Variants in RPS6KA2 observed in about 807,000 individuals in gnomAD.
RPS6KA2 encodes the protein ribosomal protein S6 kinase A2.
RPS6KA2 carries 42 observed loss-of-function variants against 91.8 expected under a neutral mutation model. The observed-to-expected ratio is 0.46, with a 90% CI of 0.36 to 0.59. The LOEUF (loss-of-function observed/expected upper bound fraction) is 0.59. RPS6KA2 is among the 20% of genes least tolerant of loss of function. The pLI, the probability that RPS6KA2 is intolerant of heterozygous loss-of-function variation, is 0.00. For synonymous variants in RPS6KA2, 414 were observed against 393.6 expected (o/e 1.05, Z -0.61); for missense variants, 798 against 978.5 (o/e 0.82, Z 2.46).
At chr6:166,652,136 A>C (rs1360346537) in intron 2 of RPS6KA2, among the ~76,000 whole-genome samples, 2 of 152,228 alleles carry the variant, frequency 1.3e-5, no homozygotes, top group Non-Finnish European at 2.9e-5. Context: ...CAGAGGATAG[A>C]GCTTCGGATT....
chr6:166,677,367 T>TC (rs1010397421), intron 2 of RPS6KA2, among the ~76,000 whole-genome samples: 1 of 151,990 alleles, frequency 6.6e-6, no homozygotes, highest in African/African-American at 2.4e-5. Context: ...TATCAGTTTT[T>TC]TTTTTTTTTT....
chr6:166,625,759 G>C (rs1436320053), intron 1 of RPS6KA2, among the ~76,000 whole-genome samples: 1 of 152,036 alleles, frequency 6.6e-6, no homozygotes, highest in African/African-American at 2.4e-5. Flanking sequence ...CTCCAGTACT[G>C]GATTAACAGT....
At chr6:166,858,372 G>A (rs1780964755) in intron 1 of RPS6KA2, 1 of 666,308 alleles carries the variant, frequency 1.5e-6, no homozygotes, top group Admixed American at 2.5e-5. Flanking sequence ...CATGATTTCT[G>A]TAGGACATGG....
In RPS6KA2 at chr6:166,495,755, C is replaced by T. The variant is rs946355122; in HGVS notation, c.747+2753G>A. The stretch of plus-strand genomic sequence containing the variant: ...GACAACGACAATAAAAGATGGCAGA[C>T]GTTAGAGCAGTGGCAAGCCAGGAGT... On this transcript the variant is annotated intron_variant, in intron 8 of 20. Transcript: ENST00000265678. This position sits in a 1 kb window ranked among gnomAD's most constrained non-coding sequence, Gnocchi z 4.4. 1.5e-4 allele frequency among the ~76,000 whole-genome samples: 23 copies of T among 152,174 alleles called. No individual in the cohort carries two copies. The highest frequency in any genetic ancestry group is 2.1e-4 in the South Asian group (1 of 4,828).
intron 1 of RPS6KA2, among the ~76,000 whole-genome samples, chr6:166,610,474 A>G (rs1444315747): frequency 4.6e-5 from 7 of 152,268 alleles, no homozygotes; most frequent in Non-Finnish European, 1.5e-5. Flanking sequence ...GATAAAACCT[A>G]TGCAACTGGG....
chr6:166,602,596 C>A (rs758830002), intron 1 of RPS6KA2, among the ~76,000 whole-genome samples: 3 of 152,176 alleles, frequency 2.0e-5, no homozygotes, highest in African/African-American at 7.2e-5. Context: ...TGGAACAAGA[C>A]GCATTCATGC....
chr6:166,794,712 G>A (rs1463477128), intron 2 of RPS6KA2, among the ~76,000 whole-genome samples: 5 of 151,460 alleles, frequency 3.3e-5, no homozygotes, highest in Admixed American at 1.3e-4. Context: ...GTAGGGACAT[G>A]GATGAAGCTG....
rs553421629 is a variant in RPS6KA2 at position 166,767,925 on chromosome 6, G to T, written c.123+90275C>A. Among the ~76,000 whole-genome samples the T allele has an allele frequency of 6.6e-6, 1 of 152,110 alleles. No individual in the cohort carries two copies. Among genetic ancestry groups the T allele is most frequent in the Non-Finnish European group, 1.5e-5 (1 of 68,024 alleles). On this transcript the variant is annotated intron_variant, in intron 2 of 21. Coordinates refer to the RPS6KA2 transcript ENST00000503859. The surrounding 1 kb of genome is among the most constrained non-coding windows in gnomAD (Gnocchi z 4.6). ...AACCTTGGGGGTTTTATTTTTCCAC[G>T]ACTGTGGAGTCTGCCTCTGTGTCCC...
At chr6:166,513,109 T>A (rs1397484475) in intron 3 of RPS6KA2, among the ~76,000 whole-genome samples, 2 of 152,204 alleles carry the variant, frequency 1.3e-5, no homozygotes, top group Non-Finnish European at 2.9e-5. Context: ...AATCTCATAA[T>A]CGTTTAAGAA....
At chr6:166,543,464 C>T (rs189857395) in intron 1 of RPS6KA2, among the ~76,000 whole-genome samples, 30 of 152,304 alleles carry the variant, frequency 2.0e-4, no homozygotes, top group Admixed American at 4.6e-4. Flanking sequence ...CCATCCAAAT[C>T]TTACCCATTG....
At chr6:166,496,955 A>C (rs1325049942) in intron 8 of RPS6KA2, among the ~76,000 whole-genome samples, 1 of 152,230 alleles carries the variant, frequency 6.6e-6, no homozygotes. Context: ...CCACAGGGCT[A>C]TCCCCGCTGC....
chr6:166,583,795 G>A (rs930665542), intron 1 of RPS6KA2, among the ~76,000 whole-genome samples: 2 of 152,198 alleles, frequency 1.3e-5, no homozygotes, highest in Non-Finnish European at 2.9e-5. Flanking sequence ...CTATGCCACA[G>A]GAAGAAATGT....
At chr6:166,831,623 G>T (rs977738837) in intron 2 of RPS6KA2, among the ~76,000 whole-genome samples, 2 of 151,532 alleles carry the variant, frequency 1.3e-5, no homozygotes, top group African/African-American at 4.9e-5. Flanking sequence ...TGCCGCATTT[G>T]CCCTCACCTT....
chr6:166,496,403 A>G (rs1400777994), intron 8 of RPS6KA2, among the ~76,000 whole-genome samples: 1 of 151,690 alleles, frequency 6.6e-6, no homozygotes, highest in Non-Finnish European at 1.5e-5. Flanking sequence ...AAAATTAAAT[A>G]TATATTTTAT....
At chr6:166,430,425 C>T (rs201451626) in intron 16 of RPS6KA2, 28 bp downstream of exon 16, 36 of 1,591,834 alleles carry the variant, frequency 2.3e-5, no homozygotes, top group South Asian at 2.0e-4. Context: ...CCCTCCTCCC[C>T]GAAGGCTGCC....
At chr6:166,475,650 C>T in intron 10 of RPS6KA2, 1 of 371,272 alleles carries the variant, frequency 2.7e-6, no homozygotes, top group South Asian at 2.3e-5. Context: ...AAGCCAGCAC[C>T]TGCTACGGGC....
At chr6:166,552,086 T>G (rs1428771094) in intron 1 of RPS6KA2, among the ~76,000 whole-genome samples, 1 of 152,176 alleles carries the variant, frequency 6.6e-6, no homozygotes, top group African/African-American at 2.4e-5. Flanking sequence ...CGCCTAGAGA[T>G]CCTTGTTACC....
rs552913236 is a variant in RPS6KA2 at position 166,445,977 on chromosome 6, G to GT, written c.1332+2746dup. Among the ~76,000 whole-genome samples the GT allele has an allele frequency of 1.7e-3, 253 of 152,194 alleles. No homozygotes were observed. In the Middle Eastern group the frequency reaches 0.02, roughly 12 times the overall value. ...TTGCTGTTTCTTAGTCCATCAATAG[G>GT]TGGGGATGCTGCTTCTCATGAACAA... is the stretch of plus-strand genomic sequence containing the variant. On this transcript the variant is annotated intron_variant, in intron 14 of 20. Transcript: ENST00000265678. This position sits in a 1 kb window ranked among gnomAD's most constrained non-coding sequence, Gnocchi z 4.5.
intron 2 of RPS6KA2, among the ~76,000 whole-genome samples, chr6:166,791,074 C>G (rs372369648): frequency 1.7e-4 from 26 of 152,034 alleles, no homozygotes; most frequent in African/African-American, 3.9e-4. Context: ...CTGGCAAATT[C>G]GATAAAGAGT....
Sources: gnomAD v4.1 joint callset for allele counts (sites outside exome capture counted in the v4.1 genomes callset) on GRCh38, gnomAD v4.1.1 for gene constraint, Gnocchi (gnomAD v3.1) non-coding constraint, MANE v1.5 for transcripts, NCBI Gene and HGNC (gene_info 2026-07-23, HGNC 2026-07-21) for gene names.